WDR33: variants seen among roughly 807,000 people sequenced by gnomAD.
WDR33 encodes pre-mRNA 3' end processing protein WDR33.
A neutral mutation model predicts 164.9 loss-of-function variants in WDR33; 47 were observed. That is an observed-to-expected ratio of 0.29 (90% confidence interval 0.23 to 0.36). The LOEUF (loss-of-function observed/expected upper bound fraction) is 0.36. Ranked by LOEUF, WDR33 falls within the 10% of genes least tolerant of loss-of-function variation. The pLI, the probability that WDR33 is intolerant of heterozygous loss-of-function variation, is 1.00. For synonymous variants in WDR33, 505 were observed against 589.0 expected, an observed-to-expected ratio of 0.86 and a Z score of 2.06; for missense variants, 1,137 against 1,754.1, an observed-to-expected ratio of 0.65 and a Z score of 6.28.
In WDR33 at chr2:127,709,944, A is replaced by T; in HGVS notation, c.3309-88T>A. ...TTCAAAGAAGCATATGATATGAGAA[A>T]GCATGATACAATGTTAATTGGGAGG... On this transcript the variant is annotated intron_variant, in intron 18 of 21. Transcript: ENST00000322313. This position sits in a 1 kb window ranked among gnomAD's most constrained non-coding sequence, Gnocchi z 5.0. 1.4e-6 allele frequency: 2 copies of T among 1,464,850 alleles called. No homozygotes were observed. Among genetic ancestry groups the T allele is most frequent in the South Asian group, 1.3e-5 (1 of 77,506 alleles). 90.7% of individuals were successfully genotyped at this position (1,464,850 alleles called of 1,614,324 possible).
intron 1 of WDR33, among the ~76,000 whole-genome samples, chr2:127,793,299 C>T (rs1688906459): frequency 2.0e-5 from 3 of 151,950 alleles, no homozygotes; most frequent in South Asian, 2.1e-4. Context: ...GGCATGATGG[C>T]GGGTGCCTGT....
Position 127,713,515 on chromosome 2 carries a change from C to T in WDR33, c.3308+68G>A. ...TTCCTCAAGAAAAAGAAGAAAGAGA[C>T]CTTTGTGGAGACAGCAGATAAAAAG... is the stretch of plus-strand genomic sequence containing the variant. On this transcript the variant is annotated intron_variant, in intron 18 of 21. Transcript: ENST00000322313. The surrounding 1 kb of genome is among the most constrained non-coding windows in gnomAD (Gnocchi z 6.2). 6.5e-7 allele frequency: 1 copy of T among 1,535,254 alleles called. No homozygotes were observed. Among genetic ancestry groups the T allele is most frequent in the South Asian group, 1.2e-5 (1 of 84,320 alleles).
In WDR33 at chr2:127,763,376, G is replaced by C; in HGVS notation, c.627-217C>G. The C allele has an allele frequency of 6.5e-6, 9 of 1,377,858 alleles. No homozygotes were observed. The highest frequency in any genetic ancestry group is 8.5e-6 in the Non-Finnish European group (9 of 1,064,580). The allele number at this position is 1,377,858 out of a possible 1,614,324, so 85.4% of individuals were successfully genotyped here. On this transcript the variant is annotated intron_variant, in intron 6 of 21. Transcript: ENST00000322313. The surrounding 1 kb of genome is among the most constrained non-coding windows in gnomAD (Gnocchi z 4.5). ...CAGTTGTTTGAGTTTTCAATCATCA[G>C]TATTCTGAGAACTTCAAGTGTGTAT...
intron 4 of WDR33, among the ~76,000 whole-genome samples, chr2:127,765,947 T>C (rs377414957): frequency 2.0e-5 from 3 of 152,312 alleles, no homozygotes; most frequent in Admixed American, 6.5e-5. Flanking sequence ...CATAGATGTA[T>C]ATATTTTCAG....
chr2:127,787,410 C>G (rs1688621044), intron 1 of WDR33, among the ~76,000 whole-genome samples: 1 of 126,862 alleles, frequency 7.9e-6, no homozygotes, highest in African/African-American at 3.6e-5. Context: ...GGCAGAGGGG[C>G]TCCTCACTTC....
chr2:127,782,882 G>C (rs914124324), intron 1 of WDR33, among the ~76,000 whole-genome samples: 140 of 152,160 alleles, frequency 9.2e-4, no homozygotes, highest in African/African-American at 3.3e-3. Context: ...GGTGGCAGGC[G>C]CCTGTAGTCC....
rs965074699 is a variant in WDR33, at chr2:127,735,034, A to G, written c.725-8257T>C. Among the ~76,000 whole-genome samples the G allele has an allele frequency of 6.6e-6, 1 of 152,248 alleles. No individual in the cohort carries two copies. Among genetic ancestry groups the G allele is most frequent in the African/African-American group, 2.4e-5 (1 of 41,462 alleles). On this transcript the variant is annotated intron_variant, in intron 7 of 21. Transcript: ENST00000322313. The surrounding 1 kb of genome is among the most constrained non-coding windows in gnomAD (Gnocchi z 4.3). ...GAATAACATGATAAATGGATTAGGT[A>G]TTAGATATTTGGTGAACAGACATTC...
In WDR33 at chr2:127,723,513, C is replaced by A. The variant is rs1174938399; in HGVS notation, c.1197-166G>T. Among the ~76,000 whole-genome samples the A allele has an allele frequency of 6.6e-6, 1 of 152,186 alleles. No individual in the cohort carries two copies. The highest frequency in any genetic ancestry group is 1.5e-5 in the Non-Finnish European group (1 of 68,034). ...CTTTGGCTCACATCTGTAATCCCAG[C>A]ACTTTGGGAGGCTGTGGCAGGAGGA... On this transcript the variant is annotated intron_variant, in intron 11 of 21. Transcript: ENST00000322313. The surrounding 1 kb of genome is among the most constrained non-coding windows in gnomAD (Gnocchi z 5.9).
chr2:127,790,255 A>C (rs927347539), intron 1 of WDR33, among the ~76,000 whole-genome samples: 1 of 152,194 alleles, frequency 6.6e-6, no homozygotes, highest in Non-Finnish European at 1.5e-5. Flanking sequence ...ACTGATTTTC[A>C]AATTTTGAAC....
Position 127,711,782 on chromosome 2 carries a change from T to TA in WDR33, c.3308+1800_3308+1801insT, listed in dbSNP as rs1558919467. Among the ~76,000 whole-genome samples the TA allele has an allele frequency of 1.8e-3, 148 of 84,408 alleles. 2 individuals are homozygous for TA. The highest frequency in any genetic ancestry group is 1.0e-2 in the East Asian group (31 of 3,102). 55.4% of individuals were successfully genotyped at this position (84,408 alleles called of 152,430 possible). Reference sequence around the variant, plus strand: ...TATATATATATATATATATATATATTTTTTTTTTGAGACAGAGTCTCGCCC... The same window carrying TA: ...TATATATATATATATATATATATATTATTTTTTTTGAGACAGAGTCTCGCCC... On this transcript the variant is annotated intron_variant, in intron 18 of 21. Transcript: ENST00000322313.
Position 127,704,921 on chromosome 2 carries a change from C to A in WDR33, c.*1402G>T. Reference sequence around the variant, plus strand: ...TAGACAAAGTGGTGAAACTCCATCTCTACAAAAAACACACACACAAAAAAT... The same window carrying A: ...TAGACAAAGTGGTGAAACTCCATCTATACAAAAAACACACACACAAAAAAT... On this transcript the variant is annotated 3_prime_UTR_variant, in exon 22 of 22. Coordinates refer to ENST00000322313, the MANE Select transcript of WDR33 (RefSeq NM_018383.5). The A allele has an allele frequency of 6.3e-6, 1 of 158,938 alleles. No individual in the cohort carries two copies. 9.8% of individuals were successfully genotyped at this position (158,938 alleles called of 1,614,324 possible).
rs1175685855 is a variant in WDR33 at position 127,724,094 on chromosome 2, T to C, written c.1196+239A>G. Reference sequence around the variant, plus strand: ...TCAAATAAATAAATAAATAAATAAATAAAAGTGGAAAACTTCTGTTTTAAG... The same window carrying C: ...TCAAATAAATAAATAAATAAATAAACAAAAGTGGAAAACTTCTGTTTTAAG... On this transcript the variant is annotated intron_variant, in intron 11 of 21. Transcript: ENST00000322313. The surrounding 1 kb of genome is among the most constrained non-coding windows in gnomAD (Gnocchi z 4.8). Among the ~76,000 whole-genome samples the C allele has an allele frequency of 7.0e-6, 1 of 143,336 alleles. No homozygotes were observed. Among genetic ancestry groups the C allele is most frequent in the Non-Finnish European group, 1.5e-5 (1 of 65,734 alleles). The allele number at this position is 143,336 out of a possible 152,430, so 94.0% of individuals were successfully genotyped here. A position where few individuals can be genotyped will look rare whatever the true frequency, so the allele number is the denominator to read the frequency against.
intron 7 of WDR33, among the ~76,000 whole-genome samples, chr2:127,748,643 AT>A (rs1284050975): frequency 6.6e-6 from 1 of 152,228 alleles, no homozygotes; most frequent in Non-Finnish European, 1.5e-5. Context: ...GCGGCAGCAC[AT>A]CCAAGTATCT....
chr2:127,760,162 T>C (rs1687635712), intron 7 of WDR33, among the ~76,000 whole-genome samples: 1 of 152,218 alleles, frequency 6.6e-6, no homozygotes, highest in South Asian at 2.1e-4. Context: ...TCACTGAGAA[T>C]GTCTGTGAGT....
chr2:127,787,435 C>T (rs1316131553), intron 1 of WDR33, among the ~76,000 whole-genome samples: 8 of 133,654 alleles, frequency 6.0e-5, no homozygotes, highest in Admixed American at 2.8e-4. Context: ...TAGGGGTGGC[C>T]GGGCAGAGGC....
chr2:127,801,616 T>C (rs1299806628), intron 1 of WDR33, among the ~76,000 whole-genome samples: 1 of 151,716 alleles, frequency 6.6e-6, no homozygotes. Flanking sequence ...CCAGGTGCAG[T>C]GGTTCATGCC....
chr2:127,739,668 A>G (rs1019156331), intron 7 of WDR33, among the ~76,000 whole-genome samples: 1 of 152,266 alleles, frequency 6.6e-6, no homozygotes, highest in Non-Finnish European at 1.5e-5. Context: ...AGCACTTAGC[A>G]TCATGCCTAG....
intron 3 of WDR33, 103 bp downstream of exon 3, chr2:127,768,830 G>C: frequency 2.8e-6 from 2 of 715,642 alleles, no homozygotes; most frequent in Non-Finnish European, 4.7e-6. Flanking sequence ...TTATAAAAAT[G>C]TAAAAAGAAA....
rs767940612 is a variant in WDR33 at position 127,764,671 on chromosome 2, T to C, written c.626+157A>G. 4 of 1,580,036 alleles carry C rather than the reference T, an allele frequency of 2.5e-6. No homozygotes were observed. The highest frequency in any genetic ancestry group is 1.4e-5 in the African/African-American group (1 of 73,664). ...CTTCAGAAAGGTGCCAGCAAAATGGTGAATGTGTGAAAACAAAGAAAAATA... is the reference window on the plus strand; with the variant it reads ...CTTCAGAAAGGTGCCAGCAAAATGGCGAATGTGTGAAAACAAAGAAAAATA... On this transcript the variant is annotated intron_variant, in intron 6 of 21. Coordinates refer to ENST00000322313, the MANE Select transcript of WDR33 (RefSeq NM_018383.5). This position sits in a 1 kb window ranked among gnomAD's most constrained non-coding sequence, Gnocchi z 6.2.
Sources: gnomAD v4.1 joint callset for allele counts (sites outside exome capture counted in the v4.1 genomes callset) on GRCh38, gnomAD v4.1.1 for gene constraint, Gnocchi (gnomAD v3.1) non-coding constraint, MANE v1.5 for transcripts, NCBI Gene and HGNC (gene_info 2026-07-23, HGNC 2026-07-21) for gene names.